Variants in PDE10A observed in about 807,000 individuals in gnomAD.
The protein encoded by PDE10A is phosphodiesterase 10A.
Under a neutral mutation model 97.7 loss-of-function variants are expected in PDE10A, and 39 were observed. The ratio of observed to expected loss-of-function variants is 0.40; its 90% CI spans 0.31 to 0.52. The LOEUF (loss-of-function observed/expected upper bound fraction) is 0.52. Ranked by LOEUF, PDE10A falls within the 20% of genes least tolerant of loss-of-function variation. The pLI is 0.56. For missense variants in PDE10A, 731 were observed against 1,047.8 expected (o/e 0.70, Z 4.17); for synonymous variants, 371 against 376.8 (o/e 0.98, Z 0.18).
At chr6:165,982,824 C>T (rs1330093499) in intron 1 of PDE10A, among the ~76,000 whole-genome samples, 2 of 152,142 alleles carry the variant, frequency 1.3e-5, no homozygotes, top group Admixed American at 6.5e-5. Flanking sequence ...ATCAACCAAA[C>T]ATTGTAACAC....
At chr6:165,739,615 CAACAAAACAA>C (rs1305558810) in intron 1 of PDE10A, among the ~76,000 whole-genome samples, 1 of 147,760 alleles carries the variant, frequency 6.8e-6, no homozygotes, top group Non-Finnish European at 1.5e-5. Context: ...AAATCACAGG[CAACAAAACAA>C]AAAAAAGTAA....
chr6:165,691,102 T>TCC (rs1791265849), intron 1 of PDE10A, among the ~76,000 whole-genome samples: 2 of 34,032 alleles, frequency 5.9e-5, no homozygotes, highest in Non-Finnish European at 1.3e-4. Context: ...TCTCTCTTTC[T>TCC]CTCTCCCCCC....
At chr6:165,451,148 A>C (rs1407337110) in intron 3 of PDE10A, among the ~76,000 whole-genome samples, 1 of 151,990 alleles carries the variant, frequency 6.6e-6, no homozygotes, top group Non-Finnish European at 1.5e-5. Context: ...CATCCCTGCC[A>C]CCATAGCAAG....
chr6:165,932,814 G>A (rs1453184851), intron 1 of PDE10A, among the ~76,000 whole-genome samples: 3 of 152,340 alleles, frequency 2.0e-5, no homozygotes, highest in African/African-American at 7.2e-5. Context: ...GAGTTTCCGG[G>A]GGGCTTAGCC....
rs145722515 is a variant in PDE10A, at chr6:165,333,095, C to T, written c.3098G>A (p.Arg1033Gln). The part of the protein sequence containing the change: ...DNLSQWEKVI[R>Q]GEETATWISS... Reference sequence around the variant, plus strand: ...AATCCAGGTTGCAGTCTCCTCCCCTCGAATCACCTTCTCCCACTGACTGAG... The same window carrying T: ...AATCCAGGTTGCAGTCTCCTCCCCTTGAATCACCTTCTCCCACTGACTGAG... The change falls in exon 22 of 22, where the codon CGA becomes CAA. Residue 1033 changes from arginine (R) to glutamine (Q), a missense_variant. By Grantham distance (43) the Arg-to-Gln change is conservative. Coordinates refer to ENST00000539869, the MANE Select transcript of PDE10A (RefSeq NM_001385079.1). 4.7e-5 allele frequency: 76 copies of T among 1,611,178 alleles called. No individual in the cohort carries two copies. In the African/African-American group the frequency reaches 8.7e-4, roughly 18 times the overall value.
intron 1 of PDE10A, among the ~76,000 whole-genome samples, chr6:165,945,934 G>A (rs1394293813): frequency 2.0e-5 from 3 of 152,202 alleles, no homozygotes; most frequent in Non-Finnish European, 2.9e-5. Flanking sequence ...ATGCCATGCA[G>A]CCATAATGTG....
At chr6:165,493,031 A>C (rs1402856472) in intron 2 of PDE10A, among the ~76,000 whole-genome samples, 1 of 152,214 alleles carries the variant, frequency 6.6e-6, no homozygotes, top group South Asian at 2.1e-4. Flanking sequence ...TAGCCCTGCT[A>C]TACACCAACA....
intron 1 of PDE10A, among the ~76,000 whole-genome samples, chr6:165,971,246 G>A (rs1303072432): frequency 6.6e-6 from 1 of 152,094 alleles, no homozygotes; most frequent in Non-Finnish European, 1.5e-5. Context: ...GATTCTGATT[G>A]TTAAATACAT....
intron 1 of PDE10A, among the ~76,000 whole-genome samples, chr6:165,760,937 G>A (rs1793233605): frequency 6.6e-6 from 1 of 152,172 alleles, no homozygotes; most frequent in African/African-American, 2.4e-5. Context: ...ACTGAAAGTG[G>A]AAGAAGGTAA....
intron 1 of PDE10A, among the ~76,000 whole-genome samples, chr6:165,668,320 G>T (rs1176584481): frequency 6.6e-6 from 1 of 152,234 alleles, no homozygotes; most frequent in Middle Eastern, 3.4e-3. Flanking sequence ...GTACAAATGG[G>T]TATACAAGTC....
At chr6:165,461,574 T>G (rs1778330008) in intron 3 of PDE10A, among the ~76,000 whole-genome samples, 1 of 152,230 alleles carries the variant, frequency 6.6e-6, no homozygotes, top group Non-Finnish European at 1.5e-5. Context: ...TTGAAAATGC[T>G]CAGTTACGAT....
rs532010811 is a variant in PDE10A at position 165,413,406 on chromosome 6, T to C, written c.2076+95A>G. The C allele has an allele frequency of 1.5e-5, 10 of 688,594 alleles. No homozygotes were observed. In the African/African-American group the frequency reaches 2.9e-4, roughly 20 times the overall value. The allele number at this position is 688,594 out of a possible 1,614,324, so 42.7% of individuals were successfully genotyped here. ...CTTTTCCTGGTTTGTAAAGGAAATA[T>C]AAATGAAAAAAAAAAAGCCCTTAAG... On this transcript the variant is annotated intron_variant, in intron 13 of 21. Coordinates refer to ENST00000539869, the MANE Select transcript of PDE10A (RefSeq NM_001385079.1).
At chr6:165,447,536 A>G (rs943717687) in intron 5 of PDE10A, among the ~76,000 whole-genome samples, 1 of 152,208 alleles carries the variant, frequency 6.6e-6, no homozygotes, top group Admixed American at 6.5e-5. Context: ...ACTGCATTCC[A>G]CACGTATCAG....
intron 2 of PDE10A, among the ~76,000 whole-genome samples, chr6:165,525,203 A>G (rs1022923529): frequency 9.9e-5 from 15 of 152,142 alleles, no homozygotes; most frequent in African/African-American, 3.6e-4. Flanking sequence ...TGAGTTATCT[A>G]ATTTATATAA....
chr6:165,350,829 C>T (rs1782642859), intron 18 of PDE10A, among the ~76,000 whole-genome samples: 2 of 152,166 alleles, frequency 1.3e-5, no homozygotes, highest in Non-Finnish European at 2.9e-5. Flanking sequence ...ATTCATCTCC[C>T]TCCTACTGCC....
At chr6:165,808,820 T>C (rs905288733) in intron 1 of PDE10A, among the ~76,000 whole-genome samples, 5 of 152,226 alleles carry the variant, frequency 3.3e-5, no homozygotes, top group East Asian at 3.9e-4. Context: ...TTGAAAATGC[T>C]CTTCTCAATT....
At chr6:165,900,328 T>C (rs563916057) in intron 1 of PDE10A, among the ~76,000 whole-genome samples, 2 of 152,108 alleles carry the variant, frequency 1.3e-5, no homozygotes, top group African/African-American at 4.8e-5. Flanking sequence ...AAAAATTAGC[T>C]GGGCATGATG....
intron 1 of PDE10A, among the ~76,000 whole-genome samples, chr6:165,936,331 G>T (rs911795262): frequency 1.1e-4 from 16 of 152,324 alleles, no homozygotes; most frequent in African/African-American, 3.4e-4. Context: ...GTAAGCAGTA[G>T]CAGATAGGAA....
In PDE10A at chr6:165,619,443, T is replaced by TCC. The variant is rs1787969806; in HGVS notation, c.865+42503_865+42504insGG. On this transcript the variant is annotated intron_variant, in intron 1 of 21. Coordinates refer to ENST00000539869, the MANE Select transcript of PDE10A (RefSeq NM_001385079.1). ...TGTAGTGTAGTATAGTGTAGTGTAG[T>TCC]ATAGTCTAGTGTAGTGTAGTCTAGT... Among the ~76,000 whole-genome samples the TCC allele has an allele frequency of 5.2e-5, 2 of 38,322 alleles. 1 individual carries two copies. Among genetic ancestry groups the TCC allele is most frequent in the African/African-American group, 3.0e-4 (2 of 6,730 alleles). 25.1% of individuals were successfully genotyped at this position (38,322 alleles called of 152,430 possible). A position where few individuals can be genotyped will look rare whatever the true frequency, so the allele number is the denominator to read the frequency against.
Sources: gnomAD v4.1 joint callset for allele counts (sites outside exome capture counted in the v4.1 genomes callset) on GRCh38, gnomAD v4.1.1 for gene constraint, MANE v1.5 for transcripts, NCBI Gene and HGNC (gene_info 2026-07-23, HGNC 2026-07-21) for gene names.